Variants in KCNMA1 observed in about 807,000 individuals in gnomAD.
KCNMA1 encodes the protein Calcium-activated potassium channel subunit alpha-1.
A neutral mutation model predicts 140.0 loss-of-function variants in KCNMA1; 29 were observed. The observed-to-expected ratio is 0.21, with a 90% CI of 0.15 to 0.28. KCNMA1 has a LOEUF of 0.28. Ranked by LOEUF, KCNMA1 falls within the 10% of genes least tolerant of loss-of-function variation. The pLI, the probability that KCNMA1 is intolerant of heterozygous loss-of-function variation, is 1.00. For synonymous variants in KCNMA1, 612 were observed against 611.9 expected (o/e 1.00, Z 0.00); for missense variants, 880 against 1,602.2 (o/e 0.55, Z 7.70).
intron 25 of KCNMA1, among the ~76,000 whole-genome samples, chr10:76,909,640 C>A (rs2049281742): frequency 6.6e-6 from 1 of 152,126 alleles, no homozygotes; most frequent in Non-Finnish European, 1.5e-5. Context: ...GCTCTTCCCC[C>A]AAGATCTCCC....
At chr10:77,615,326 A>G (rs1345345123) in intron 1 of KCNMA1, among the ~76,000 whole-genome samples, 1 of 152,170 alleles carries the variant, frequency 6.6e-6, no homozygotes, top group East Asian at 1.9e-4. Flanking sequence ...CCAGGCTTCT[A>G]AGCCTCTTTT....
chr10:76,951,827 C>A (rs1374951743), intron 21 of KCNMA1, among the ~76,000 whole-genome samples: 1 of 152,060 alleles, frequency 6.6e-6, no homozygotes, highest in Non-Finnish European at 1.5e-5. Flanking sequence ...CTAGAGATAA[C>A]TCCTCTTCCC....
intron 2 of KCNMA1, among the ~76,000 whole-genome samples, chr10:77,395,278 A>T (rs2096005819): frequency 6.6e-6 from 1 of 152,222 alleles, no homozygotes; most frequent in South Asian, 2.1e-4. Context: ...TGAACCCAGG[A>T]GTTTGAGGTT....
intron 1 of KCNMA1, among the ~76,000 whole-genome samples, chr10:77,439,213 TCA>T (rs1429021161): frequency 6.6e-6 from 1 of 152,066 alleles, no homozygotes; most frequent in African/African-American, 2.4e-5. Flanking sequence ...TGAAAGGATT[TCA>T]CAGACAATAC....
intron 10 of KCNMA1, among the ~76,000 whole-genome samples, chr10:77,087,274 C>A (rs1359770449): frequency 6.6e-6 from 1 of 152,118 alleles, no homozygotes; most frequent in Non-Finnish European, 1.5e-5. Context: ...GTGGGACTTC[C>A]CAGCCTCTGT....
intron 3 of KCNMA1, among the ~76,000 whole-genome samples, chr10:77,241,995 G>C (rs1301502387): frequency 6.6e-6 from 1 of 152,112 alleles, no homozygotes; most frequent in Non-Finnish European, 1.5e-5. Flanking sequence ...CTGGTCTTCA[G>C]GCCAACAACC....
At chr10:77,454,702 G>A (rs561519233) in intron 1 of KCNMA1, among the ~76,000 whole-genome samples, 5 of 152,068 alleles carry the variant, frequency 3.3e-5, no homozygotes, top group South Asian at 2.1e-4. Flanking sequence ...TCTTTACTTG[G>A]GGATTAACAA....
At chr10:77,281,014 C>T (rs2068363871) in intron 2 of KCNMA1, among the ~76,000 whole-genome samples, 1 of 152,106 alleles carries the variant, frequency 6.6e-6, no homozygotes, top group Non-Finnish European at 1.5e-5. Flanking sequence ...ATGGGAACAG[C>T]AAGAGATGTT....
intron 5 of KCNMA1, among the ~76,000 whole-genome samples, chr10:77,169,819 C>T (rs1307312188): frequency 2.6e-5 from 4 of 152,126 alleles, no homozygotes; most frequent in Non-Finnish European, 5.9e-5. Flanking sequence ...AGGGGTAAGT[C>T]GAATTTAGTG....
intron 9 of KCNMA1, among the ~76,000 whole-genome samples, chr10:77,099,973 T>G (rs2097056322): frequency 6.6e-6 from 1 of 152,192 alleles, no homozygotes; most frequent in Admixed American, 6.5e-5. Context: ...CAAATGCTTT[T>G]GGGAGGCTTC....
chr10:76,982,183 T>C (rs532217754), intron 19 of KCNMA1, among the ~76,000 whole-genome samples: 19 of 152,136 alleles, frequency 1.2e-4, no homozygotes, highest in African/African-American at 4.6e-4. Flanking sequence ...GCCAGAGAAA[T>C]TAGATAATTG....
chr10:76,928,283 G>A (rs567233803), intron 23 of KCNMA1, among the ~76,000 whole-genome samples: 15 of 82,612 alleles, frequency 1.8e-4, no homozygotes, highest in African/African-American at 3.1e-4. Flanking sequence ...ACACGAACAC[G>A]CGCGCGCACA....
intron 14 of KCNMA1, chr10:77,064,094 T>TGTTC: frequency 1.0e-6 from 1 of 985,468 alleles, no homozygotes; most frequent in Non-Finnish European, 1.2e-6. Context: ...CCTTTCTCTT[T>TGTTC]GTTCAGTCCA....
intron 1 of KCNMA1, among the ~76,000 whole-genome samples, chr10:77,542,619 G>A (rs2060446919): frequency 6.6e-6 from 1 of 152,192 alleles, no homozygotes; most frequent in Non-Finnish European, 1.5e-5. Context: ...TTTGGAGAAA[G>A]ATGGCAGAGT....
chr10:77,227,525 T>G (rs1477434433), intron 3 of KCNMA1, among the ~76,000 whole-genome samples: 3 of 152,192 alleles, frequency 2.0e-5, no homozygotes, highest in Non-Finnish European at 4.4e-5. Flanking sequence ...CATTAGTACT[T>G]CATTATTATA....
chr10:77,394,402 C>T (rs184881489), intron 2 of KCNMA1, among the ~76,000 whole-genome samples: 7 of 152,322 alleles, frequency 4.6e-5, no homozygotes, highest in Admixed American at 3.9e-4. Context: ...GAAGCTGCTG[C>T]GAGCTGAGGT....
chr10:77,208,506 A>G (rs1466683418), intron 3 of KCNMA1, among the ~76,000 whole-genome samples: 11 of 151,858 alleles, frequency 7.2e-5, no homozygotes, highest in Admixed American at 7.2e-4. Context: ...ATAAGTAAAT[A>G]AAACGTTTTA....
chr10:77,154,548 C>T (rs2098461058), intron 5 of KCNMA1, among the ~76,000 whole-genome samples: 2 of 152,100 alleles, frequency 1.3e-5, no homozygotes, highest in South Asian at 4.2e-4. Context: ...ATAATTCAGG[C>T]CACTTAGTGA....
intron 25 of KCNMA1, chr10:76,901,859 T>C (rs1160367673): frequency 6.6e-6 from 1 of 152,232 alleles, no homozygotes; most frequent in Admixed American, 6.5e-5. Flanking sequence ...AGAATGATGA[T>C]GTATTTTTGC....
Sources: gnomAD v4.1 joint callset for allele counts (sites outside exome capture counted in the v4.1 genomes callset) on GRCh38, gnomAD v4.1.1 for gene constraint, MANE v1.5 for transcripts, NCBI Gene and HGNC (gene_info 2026-07-23, HGNC 2026-07-21) for gene names.